The following PLK4 variants were observed in gnomAD, a reference collection of about 807,000 sequenced individuals.
PLK4 encodes serine/threonine-protein kinase PLK4.
A neutral mutation model predicts 103.0 loss-of-function variants in PLK4; 51 were observed. The observed-to-expected ratio is 0.50, with a 90% CI of 0.40 to 0.63. The LOEUF (loss-of-function observed/expected upper bound fraction) is 0.63. Ranked by LOEUF, PLK4 falls within the 20% of genes least tolerant of loss-of-function variation. The pLI is 0.00. For synonymous variants in PLK4, 389 were observed against 376.8 expected (o/e 1.03, Z -0.38); for missense variants, 1,054 against 1,151.0 (o/e 0.92, Z 1.22).
Position 127,893,378 on chromosome 4 carries a change from T to G in PLK4, c.2282T>G (p.Leu761Trp). ...AAAAGTGAAAGTGAAGTTAATAGCT[T>G]GAAAGAGGAGATAAAAATGTATATG... ...TLKSESEVNS[L>W]KEEIKMYMDH... Residue 761 changes from leucine to tryptophan, a missense_variant, in exon 11 of 16, where the codon TTG becomes TGG. By Grantham distance (61) the Leu-to-Trp change is moderately conservative. This residue lies in a region of PLK4 where 680 missense variants were observed against 660.3 expected (regional missense o/e 1.03). Coordinates refer to ENST00000270861, the MANE Select transcript of PLK4 (RefSeq NM_014264.5). The G allele has an allele frequency of 6.2e-7, 1 of 1,608,652 alleles. No individual in the cohort carries two copies. Among genetic ancestry groups the G allele is most frequent in the Non-Finnish European group, 8.5e-7 (1 of 1,176,346 alleles).
At chr4:127,892,295 C>A (rs190497457) in intron 9 of PLK4, 70 bp from the exon 10 acceptor site, 4 of 1,028,170 alleles carry the variant, frequency 3.9e-6, no homozygotes, top group Admixed American at 2.6e-5. Flanking sequence ...TTAGAAATCA[C>A]AATAAATAGA....
chr4:127,887,470 AGTG>A lies in PLK4; in HGVS notation c.1436_1438del (p.Trp479del). On this transcript the variant is annotated inframe_deletion, in exon 6 of 16. Coordinates refer to ENST00000270861, the MANE Select transcript of PLK4 (RefSeq NM_014264.5). The stretch of plus-strand genomic sequence containing the variant: ...ACACCTCAGACTGAAACCGTACAAC[AGTG>A]GTTTGGGAATCTGCAAATAAATGGT... The A allele has an allele frequency of 6.2e-7, 1 of 1,607,050 alleles. No homozygotes were observed. Among genetic ancestry groups the A allele is most frequent in the Non-Finnish European group, 8.5e-7 (1 of 1,174,528 alleles).
intron 8 of PLK4, 24 bp from the exon 9 acceptor site, chr4:127,891,555 A>T: frequency 8.8e-7 from 1 of 1,136,454 alleles, no homozygotes; most frequent in Non-Finnish European, 1.3e-6. Flanking sequence ...ATGTAATTAG[A>T]ATTTTAAAAA....
At chr4:127,883,140 G>T in intron 2 of PLK4, 122 bp from the exon 3 acceptor site, 1 of 600,392 alleles carries the variant, frequency 1.7e-6, no homozygotes. Flanking sequence ...GATAACAGTA[G>T]GTTGACCACA....
At chr4:127,892,007 A>G (rs1735379308) in intron 9 of PLK4, 1 of 217,972 alleles carries the variant, frequency 4.6e-6, no homozygotes, top group Non-Finnish European at 8.9e-6. Context: ...GCTTCAGAGC[A>G]CATATACTAA....
At chr4:127,887,872 A>C (rs1416543244) in intron 6 of PLK4, among the ~76,000 whole-genome samples, 49 of 115,312 alleles carry the variant, frequency 4.2e-4, no homozygotes, top group Non-Finnish European at 6.1e-4. Flanking sequence ...AGACCCTGTC[A>C]AAAAAAAAAA....
Position 127,893,291 on chromosome 4 carries a change from A to G in PLK4, c.2195A>G (p.Lys732Arg), listed in dbSNP as rs770271353. 6.4e-7 allele frequency: 1 copy of G among 1,566,420 alleles called. No individual in the cohort carries two copies. Among genetic ancestry groups the G allele is most frequent in the Non-Finnish European group, 8.6e-7 (1 of 1,156,152 alleles). The change falls in exon 11 of 16, where the codon AAA (lysine) becomes AGA (arginine). Residue 732 changes from lysine to arginine, a missense_variant. By Grantham distance (26) the Lys-to-Arg change is conservative. This residue lies in a region of PLK4 where 680 missense variants were observed against 660.3 expected (regional missense o/e 1.03). Coordinates refer to ENST00000270861, the MANE Select transcript of PLK4 (RefSeq NM_014264.5). ...TCTGATTTTTTTTTTTTAGGGGTAAAAATACACAAAACAGAAGATTTCATT... is the reference window on the plus strand; with the variant it reads ...TCTGATTTTTTTTTTTTAGGGGTAAGAATACACAAAACAGAAGATTTCATT... Reference protein sequence around the residue: ...DFEVWFYDGVKIHKTEDFIQV... With the variant: ...DFEVWFYDGVRIHKTEDFIQV...
rs1735674048 is a variant in PLK4, at chr4:127,898,788, T to A, written c.*247T>A. The A allele has an allele frequency of 3.2e-6, 1 of 314,088 alleles. No individual in the cohort carries two copies. The highest frequency in any genetic ancestry group is 5.8e-6 in the Non-Finnish European group (1 of 173,396). The allele number at this position is 314,088 out of a possible 1,614,324, so 19.5% of individuals were successfully genotyped here. On this transcript the variant is annotated 3_prime_UTR_variant, in exon 16 of 16. Transcript: ENST00000270861. ...TAGACCATAACCCCCGAACTTACTATGTTCATATATTTGTATTGAACAATC... is the reference window on the plus strand; with the variant it reads ...TAGACCATAACCCCCGAACTTACTAAGTTCATATATTTGTATTGAACAATC...
intron 6 of PLK4, among the ~76,000 whole-genome samples, chr4:127,888,024 AC>A (rs1735202859): frequency 6.6e-6 from 1 of 151,372 alleles, no homozygotes; most frequent in African/African-American, 2.4e-5. Context: ...TACTAAAAAT[AC>A]AAAAATTAGC....
chr4:127,883,136 A>T, intron 2 of PLK4, 126 bp from the exon 3 acceptor site: 1 of 597,546 alleles, frequency 1.7e-6, no homozygotes. Context: ...AACAGATAAC[A>T]GTAGGTTGAC....
At chr4:127,891,712 ATAG>A (rs777665455) in intron 9 of PLK4, 31 bp downstream of exon 9, 8 of 866,976 alleles carry the variant, frequency 9.2e-6, no homozygotes, top group Non-Finnish European at 1.2e-5. Flanking sequence ...ATAAATTTTG[ATAG>A]TAGATTTATA....
intron 13 of PLK4, 21 bp from the exon 14 acceptor site, chr4:127,894,932 C>A: frequency 6.8e-7 from 1 of 1,471,600 alleles, no homozygotes; most frequent in Non-Finnish European, 9.1e-7. Flanking sequence ...ATAATATCTT[C>A]CTGTCCTTTA....
chr4:127,893,105 A>G, intron 10 of PLK4, 180 bp from the exon 11 acceptor site: 1 of 449,378 alleles, frequency 2.2e-6, no homozygotes, highest in African/African-American at 2.0e-5. Context: ...ATGTTGGGAA[A>G]AAAATGGATG....
At chr4:127,887,600 T>G in intron 6 of PLK4, 104 bp downstream of exon 6, 1 of 727,726 alleles carries the variant, frequency 1.4e-6, no homozygotes, top group Admixed American at 2.3e-5. Context: ...TTTTCTTGCT[T>G]GGTGCAGTAG....
intron 13 of PLK4, among the ~76,000 whole-genome samples, chr4:127,894,380 C>G (rs1290804697): frequency 1.3e-5 from 2 of 152,098 alleles, no homozygotes; most frequent in East Asian, 3.9e-4. Flanking sequence ...GCGACCGCCA[C>G]CATGCCTGGC....
At position 127,893,494 on chromosome 4, in the gene PLK4, C is replaced by G; in HGVS notation, c.2323-19C>G. The G allele has an allele frequency of 6.2e-7, 1 of 1,600,650 alleles. No homozygotes were observed. Among genetic ancestry groups the G allele is most frequent in the East Asian group, 2.2e-5 (1 of 44,702 alleles). ...GACATAGGTGAAACAATGACAGAAG[C>G]ACTCTTCTTTTGAAATAGGGTCATC... is the stretch of plus-strand genomic sequence containing the variant. On this transcript the variant is annotated intron_variant, in intron 11 of 15. Transcript: ENST00000270861.
chr4:127,891,795 TATC>T (rs1735370264), intron 9 of PLK4, 114 bp downstream of exon 9: 8 of 397,326 alleles, frequency 2.0e-5, no homozygotes, highest in South Asian at 1.2e-4. Context: ...CTTTAGGTCA[TATC>T]ATATTCTTGT....
In PLK4 at chr4:127,891,209, T is replaced by C. The variant is rs369480710; in HGVS notation, c.1935+13T>C. On this transcript the variant is annotated intron_variant, in intron 8 of 15. Transcript: ENST00000270861. ...TGATGGAAATACGGTAATGTGTAGT[T>C]ACTTTATTACCTTGCAACTTCAAAT... is the stretch of plus-strand genomic sequence containing the variant. 7.5e-4 allele frequency: 915 copies of C among 1,226,202 alleles called. 2 individuals carry two copies. Among genetic ancestry groups the C allele is most frequent in the Non-Finnish European group, 9.3e-4 (791 of 849,882 alleles). The allele number at this position is 1,226,202 out of a possible 1,614,324, so 76.0% of individuals were successfully genotyped here. A position where few individuals can be genotyped will look rare whatever the true frequency, so the allele number is the denominator to read the frequency against.
chr4:127,889,650 C>T (rs1735273099), intron 6 of PLK4, among the ~76,000 whole-genome samples: 2 of 152,114 alleles, frequency 1.3e-5, no homozygotes, highest in South Asian at 2.1e-4. Context: ...CTTAGGAATA[C>T]TAAAGGTATT....
Sources: allele counts gnomAD v4.1 joint callset (sites outside exome capture counted in the v4.1 genomes callset), GRCh38; gene constraint gnomAD v4.1.1; regional missense constraint gnomAD v4.1.1; transcripts MANE v1.5; gene names NCBI Gene and HGNC (gene_info 2026-07-23, HGNC 2026-07-21).